Variants in DOCK5 observed in about 807,000 individuals in gnomAD.
DOCK5 encodes the protein dedicator of cytokinesis protein 5.
DOCK5 carries 142 observed loss-of-function variants against 251.8 expected under a neutral mutation model. The ratio of observed to expected loss-of-function variants is 0.56; its 90% CI spans 0.49 to 0.65. DOCK5 has a LOEUF of 0.65. Ranked by LOEUF, DOCK5 falls within the 30% of genes least tolerant of loss-of-function variation. The pLI, the probability that DOCK5 is intolerant of heterozygous loss-of-function variation, is 0.00. For synonymous variants in DOCK5, 842 were observed against 835.5 expected (o/e 1.01, Z -0.13); for missense variants, 2,111 against 2,312.3 (o/e 0.91, Z 1.79).
At chr8:25,282,615 T>G (rs2117136062) in intron 5 of DOCK5, among the ~76,000 whole-genome samples, 1 of 151,966 alleles carries the variant, frequency 6.6e-6, no homozygotes, top group East Asian at 1.9e-4. Context: ...TCCCATCCCT[T>G]TGGGAGGTCA....
intron 44 of DOCK5, 41 bp from the exon 45 acceptor site, chr8:25,395,502 C>T: frequency 6.3e-7 from 1 of 1,579,980 alleles, no homozygotes; most frequent in Non-Finnish European, 8.6e-7. Context: ...TTACTTGGAG[C>T]TGACAAGTGT....
chr8:25,345,537 T>A lies in DOCK5; in HGVS notation c.2680T>A (p.Ser894Thr). 6.2e-7 allele frequency: 1 copy of A among 1,613,890 alleles called. No homozygotes were observed. Among genetic ancestry groups the A allele is most frequent in the Non-Finnish European group, 8.5e-7 (1 of 1,179,884 alleles). ...GCTCAGCGGCCAGTTAGATGACAACTCCAACAAGCCTGACCACGAGGCAAG... is the reference window on the plus strand; with the variant it reads ...GCTCAGCGGCCAGTTAGATGACAACACCAACAAGCCTGACCACGAGGCAAG... ...DQLSGQLDDN[S>T]NKPDHEASSQ... Residue 894 changes from serine (S) to threonine (T), a missense_variant, in exon 26 of 52, where the codon TCC becomes ACC. By Grantham distance (58) the Ser-to-Thr change is moderately conservative (BLOSUM62 1). Transcript: ENST00000276440.
chr8:25,381,516 C>G (rs1801067601), intron 39 of DOCK5, among the ~76,000 whole-genome samples: 1 of 151,840 alleles, frequency 6.6e-6, no homozygotes, highest in South Asian at 2.1e-4. Context: ...GTCCCAGCTA[C>G]TTTTGGGAGG....
intron 25 of DOCK5, among the ~76,000 whole-genome samples, chr8:25,344,162 T>C (rs1250069549): frequency 1.3e-5 from 2 of 152,164 alleles, no homozygotes; most frequent in Admixed American, 6.5e-5. Flanking sequence ...AGTATTCTGC[T>C]GGGAGAGGAG....
At chr8:25,375,816 G>T (rs1250268029) in intron 37 of DOCK5, 1 of 985,126 alleles carries the variant, frequency 1.0e-6, no homozygotes, top group Admixed American at 6.2e-5. Flanking sequence ...TTGTATAATG[G>T]ACTGGGCCTG....
intron 14 of DOCK5, among the ~76,000 whole-genome samples, chr8:25,318,333 C>T (rs1032086831): frequency 6.6e-6 from 1 of 152,124 alleles, no homozygotes; most frequent in African/African-American, 2.4e-5. Flanking sequence ...TCATGATCTG[C>T]CTGCCTCAGC....
chr8:25,258,528 C>T (rs1384852214), intron 2 of DOCK5, among the ~76,000 whole-genome samples: 1 of 152,126 alleles, frequency 6.6e-6, no homozygotes, highest in Non-Finnish European at 1.5e-5. Flanking sequence ...TATAAAGAAG[C>T]AATGGCTCCT....
chr8:25,365,333 G>A (rs986079579), intron 30 of DOCK5, among the ~76,000 whole-genome samples: 3 of 152,222 alleles, frequency 2.0e-5, no homozygotes, highest in African/African-American at 7.2e-5. Context: ...TTTTGTGGGT[G>A]ATGTGCTTTC....
chr8:25,391,961 A>T lies in DOCK5; in HGVS notation c.4421A>T (p.Asp1474Val), dbSNP rs771438902. The T allele has an allele frequency of 1.2e-6, 2 of 1,613,696 alleles. No individual in the cohort carries two copies. Among genetic ancestry groups the T allele is most frequent in the Non-Finnish European group, 1.7e-6 (2 of 1,179,814 alleles). The change falls in exon 43 of 52, where the codon GAT becomes GTT. Residue 1474 changes from aspartate to valine, a missense_variant. This residue lies in a region of DOCK5 where 1,717 missense variants were observed against 1,892.4 expected (regional missense o/e 0.91). Transcript: ENST00000276440. ...YSRPFRKGEK[D>V]PDNEFATMWI... Reference sequence around the variant, plus strand: ...CGGCCGTTCCGGAAAGGAGAAAAGGATCCAGACAATGAATTTGCTGTGAGT... The same window carrying T: ...CGGCCGTTCCGGAAAGGAGAAAAGGTTCCAGACAATGAATTTGCTGTGAGT...
intron 17 of DOCK5, among the ~76,000 whole-genome samples, chr8:25,324,805 C>T (rs1234444845): frequency 2.7e-5 from 4 of 148,784 alleles, no homozygotes; most frequent in Non-Finnish European, 3.0e-5. Flanking sequence ...TCCCCGCCCC[C>T]GCCACAACAG....
intron 43 of DOCK5, among the ~76,000 whole-genome samples, chr8:25,392,297 TC>T (rs1801274294): frequency 8.0e-6 from 1 of 125,306 alleles, no homozygotes; most frequent in Admixed American, 8.6e-5. Context: ...GAGCGAGACT[TC>T]GTCTCAAAAA....
chr8:25,251,269 G>A (rs749094656), intron 2 of DOCK5, among the ~76,000 whole-genome samples: 1 of 147,924 alleles, frequency 6.8e-6, no homozygotes, highest in African/African-American at 2.4e-5. Flanking sequence ...ACAACGAAAT[G>A]TCTCAAAGGT....
At chr8:25,345,640 A>G in intron 26 of DOCK5, 29 bp downstream of exon 26, 1 of 1,612,504 alleles carries the variant, frequency 6.2e-7, no homozygotes, top group South Asian at 1.1e-5. Flanking sequence ...GATGCTGCAC[A>G]GAGTTCACAC....
intron 40 of DOCK5, among the ~76,000 whole-genome samples, chr8:25,383,320 T>A (rs1206347071): frequency 1.3e-5 from 2 of 152,222 alleles, no homozygotes; most frequent in African/African-American, 4.8e-5. Flanking sequence ...ACATTTATTA[T>A]CCATCTGCTT....
chr8:25,372,463 G>A (rs770525587), intron 34 of DOCK5, 96 bp from the exon 35 acceptor site: 1 of 1,305,070 alleles, frequency 7.7e-7, no homozygotes, highest in South Asian at 1.7e-5. Flanking sequence ...ATCAAATCCT[G>A]CCCCAGCCAC....
chr8:25,406,518 G>A (rs1009222321), intron 48 of DOCK5, among the ~76,000 whole-genome samples: 17 of 152,204 alleles, frequency 1.1e-4, no homozygotes, highest in East Asian at 3.9e-4. Flanking sequence ...ATTCTTTTCC[G>A]TTGATATAGG....
rs1188663535 is a variant in DOCK5, at chr8:25,389,107, A to G, written c.4148A>G (p.Tyr1383Cys). ...PSFLRNKIFI[Y>C]RGKEYERRED... Reference sequence around the variant, plus strand: ...CACCTGCAGAATAAAATCTTCATCTATCGGGGAAAGGAGTATGAGAGGCGA... The same window carrying G: ...CACCTGCAGAATAAAATCTTCATCTGTCGGGGAAAGGAGTATGAGAGGCGA... The change falls in exon 41 of 52, where the codon TAT becomes TGT. Residue 1383 changes from tyrosine (Y) to cysteine (C), a missense_variant. Tyr to Cys is a radical substitution (Grantham distance 194). This residue lies in a region of DOCK5 where 1,717 missense variants were observed against 1,892.4 expected (regional missense o/e 0.91). Coordinates refer to ENST00000276440, the MANE Select transcript of DOCK5 (RefSeq NM_024940.8). 42 of 1,613,746 alleles carry G rather than the reference A, an allele frequency of 2.6e-5. No individual in the cohort carries two copies. The highest frequency in any genetic ancestry group is 3.6e-5 in the Non-Finnish European group (42 of 1,179,836).
chr8:25,184,846 C>A lies in DOCK5; in HGVS notation c.-63C>A. On this transcript the variant is annotated 5_prime_UTR_variant, in exon 1 of 52. Transcript: ENST00000276440. Reference sequence around the variant, plus strand: ...GGCACGCAGGAGCGCGGGGCGGCGGCGGCCGGAGCCCGAGGAGCTGTAGCA... The same window carrying A: ...GGCACGCAGGAGCGCGGGGCGGCGGAGGCCGGAGCCCGAGGAGCTGTAGCA... 1 of 1,265,654 alleles carries A rather than the reference C, an allele frequency of 7.9e-7. No homozygotes were observed. Among genetic ancestry groups the A allele is most frequent in the Non-Finnish European group, 1.0e-6 (1 of 996,210 alleles). 78.4% of individuals were successfully genotyped at this position (1,265,654 alleles called of 1,614,324 possible).
chr8:25,206,156 T>C (rs1185064580), intron 1 of DOCK5, among the ~76,000 whole-genome samples: 2 of 152,172 alleles, frequency 1.3e-5, no homozygotes, highest in African/African-American at 2.4e-5. Context: ...TGGCACAGCG[T>C]GAGCCCTGGC....
Sources: allele counts gnomAD v4.1 joint callset (sites outside exome capture counted in the v4.1 genomes callset), GRCh38; gene constraint gnomAD v4.1.1; regional missense constraint gnomAD v4.1.1; transcripts MANE v1.5; gene names NCBI Gene and HGNC (gene_info 2026-07-23, HGNC 2026-07-21).